Variants in OTOG observed in about 807,000 individuals in gnomAD.
The protein encoded by OTOG is otogelin.
Under a neutral mutation model 313.8 loss-of-function variants are expected in OTOG, and 296 were observed. The ratio of observed to expected loss-of-function variants is 0.94; its 90% CI spans 0.86 to 1.04. OTOG has a LOEUF of 1.04. Among genes scored for constraint, OTOG ranks in the 50% least tolerant of loss-of-function variants. The probability of loss-of-function intolerance (pLI) is 0.00; values close to 1 mark genes in which losing one functional copy is unlikely to be tolerated. For synonymous variants in OTOG, 1,533 were observed against 1,554.9 expected, an observed-to-expected ratio of 0.99 and a Z score of 0.33; for missense variants, 3,948 against 3,840.1, an observed-to-expected ratio of 1.03 and a Z score of -0.74.
intron 15 of OTOG, among the ~76,000 whole-genome samples, chr11:17,563,690 T>A (rs1042564290): frequency 8.6e-5 from 13 of 150,888 alleles, no homozygotes; most frequent in African/African-American, 3.2e-4. Context: ...ATCCCCCCCT[T>A]TTTTTTTGGA....
intron 32 of OTOG, among the ~76,000 whole-genome samples, chr11:17,603,428 T>C (rs113576600): frequency 2.6e-5 from 4 of 152,188 alleles, no homozygotes; most frequent in African/African-American, 9.7e-5. Context: ...GTAGGTAATG[T>C]GTAGTCCAGA....
intron 3 of OTOG, among the ~76,000 whole-genome samples, chr11:17,549,274 C>G (rs933363332): frequency 6.6e-6 from 1 of 152,220 alleles, no homozygotes; most frequent in African/African-American, 2.4e-5. Flanking sequence ...TGCCCCAGCC[C>G]CAGCGGTCAG....
At position 17,570,343 on chromosome 11, in the gene OTOG, C is replaced by T. The variant is rs1039828694; in HGVS notation, c.1908C>T (p.Thr636=). The T allele has an allele frequency of 1.3e-5, 20 of 1,550,494 alleles. No individual in the cohort carries two copies. In the Admixed American group the frequency reaches 1.6e-4, roughly 12 times the overall value. The change falls in exon 17 of 56, where the codon ACC becomes ACT. Residue 636 remains threonine (T), a synonymous_variant. Transcript: ENST00000399397. ...TGGACCAGCGATGGGTGGAGGATAC[C>T]GTGGGCCTCTGCGGCACCTTCAATG... ...LQVDQRWVED[T]VGLCGTFNGN...
chr11:17,586,892 C>A (rs2134050072), intron 24 of OTOG, among the ~76,000 whole-genome samples: 1 of 152,252 alleles, frequency 6.6e-6, no homozygotes. Context: ...ATCCAAAATG[C>A]ACATGTGCAT....
chr11:17,605,770 T>G, intron 32 of OTOG, 87 bp from the exon 33 acceptor site: 21 of 1,406,740 alleles, frequency 1.5e-5, no homozygotes, highest in East Asian at 2.5e-5. Context: ...CCAGAGTCGC[T>G]GAGAGAGCAG....
intron 39 of OTOG, among the ~76,000 whole-genome samples, chr11:17,620,799 C>A (rs1301649965): frequency 6.6e-6 from 1 of 152,148 alleles, no homozygotes; most frequent in Non-Finnish European, 1.5e-5. Context: ...TCATCATTCT[C>A]TTGGGTCTTT....
chr11:17,608,561 T>C, intron 34 of OTOG, 148 bp downstream of exon 34: 1 of 585,278 alleles, frequency 1.7e-6, no homozygotes, highest in Non-Finnish European at 2.9e-6. Flanking sequence ...TATATGCACA[T>C]ATGTCAGCAT....
rs575296345 is a variant in OTOG at position 17,633,874 on chromosome 11, G to A, written c.7267G>A (p.Ala2423Thr). ...ACTCTGCATCCCGGAGGCCAAGTGC[G>A]GTAGGTTCCTCCCCTCCCTGAGTGG... ...SALCIPEAKC[A>T]CTDSMGVPRA... Residue 2423 changes from alanine (A) to threonine (T), a missense_variant and splice_region_variant, in exon 43 of 56, where the codon GCC (alanine) becomes ACC (threonine). Transcript: ENST00000399397. The A allele has an allele frequency of 6.9e-5, 105 of 1,530,622 alleles. No homozygotes were observed. Among genetic ancestry groups the A allele is most frequent in the Non-Finnish European group, 8.2e-5 (93 of 1,137,514 alleles). 94.8% of individuals were successfully genotyped at this position (1,530,622 alleles called of 1,614,324 possible).
chr11:17,585,426 T>C (rs1362827189), intron 23 of OTOG, among the ~76,000 whole-genome samples: 2 of 152,238 alleles, frequency 1.3e-5, no homozygotes, highest in African/African-American at 4.8e-5. Context: ...GACAGGGGTT[T>C]GTCAATTTTA....
chr11:17,555,832 C>T lies in OTOG; in HGVS notation c.594C>T (p.Val198=). The change falls in exon 7 of 56, where the codon GTC becomes GTT. Residue 198 remains valine, a synonymous_variant. Transcript: ENST00000399397. ...CACCCTACACCTGCTCCAGGGCTGT[C>T]AGCCTCTTCTTTGTGGGTGAGCAGG... The part of the protein sequence containing the change: ...GSSPYTCSRA[V]SLFFVGEQEI... 5 of 1,550,892 alleles carry T rather than the reference C, an allele frequency of 3.2e-6. No homozygotes were observed. Among genetic ancestry groups the T allele is most frequent in the South Asian group, 1.2e-5 (1 of 84,060 alleles).
Position 17,547,429 on chromosome 11 carries a change from T to C in OTOG, c.57T>C (p.Gly19=). 1 of 1,401,166 alleles carries C rather than the reference T, an allele frequency of 7.1e-7. No homozygotes were observed. The highest frequency in any genetic ancestry group is 9.2e-7 in the Non-Finnish European group (1 of 1,081,486). 86.8% of individuals were successfully genotyped at this position (1,401,166 alleles called of 1,614,324 possible). A position where few individuals can be genotyped will look rare whatever the true frequency, so the allele number is the denominator to read the frequency against. Residue 19 remains glycine (G), a synonymous_variant, in exon 1 of 56, where the codon GGT becomes GGC. Transcript: ENST00000399397. ...CWLLCVWLPW[G]EQAAESLRVQ... is the part of the protein sequence containing the mutation. The stretch of plus-strand genomic sequence containing the variant: ...TGCTTTGTGTCTGGCTGCCCTGGGG[T>C]GAGCAGGCAGCCGAGTCCCTGCGGG...
intron 11 of OTOG, among the ~76,000 whole-genome samples, 165 bp from the exon 12 acceptor site, chr11:17,559,369 C>T (rs998617409): frequency 8.5e-5 from 13 of 152,184 alleles, no homozygotes; most frequent in African/African-American, 3.1e-4. Context: ...CTTGCAATTC[C>T]TTCTCCTTGT....
Position 17,594,181 on chromosome 11 carries a change from C to T in OTOG, c.3408+15C>T, listed in dbSNP as rs7936484. ...CTGCAGTTGAGGTAAAGCCTCTCTT[C>T]CAGGCTGGCTTATGCCCCTCACTCA... On this transcript the variant is annotated intron_variant, in intron 28 of 55. Transcript: ENST00000399397. The T allele has an allele frequency of 0.16, 246,238 of 1,550,434 alleles. 20,195 individuals are homozygous for T. The highest frequency in any genetic ancestry group is 0.19 in the East Asian group (7,884 of 40,914).
Position 17,558,365 on chromosome 11 carries a change from C to T in OTOG, c.996+50C>T, listed in dbSNP as rs1248270614. 1.9e-6 allele frequency: 3 copies of T among 1,543,260 alleles called. No individual in the cohort carries two copies. In the African/African-American group the frequency reaches 4.1e-5, roughly 21 times the overall value. On this transcript the variant is annotated intron_variant, in intron 9 of 55. Transcript: ENST00000399397. ...CCTACCCTAGAGCCTGACTTGCTATCCAACTCTTCGAAAGCCACTGGCTGT... is the reference window on the plus strand; with the variant it reads ...CCTACCCTAGAGCCTGACTTGCTATTCAACTCTTCGAAAGCCACTGGCTGT...
At chr11:17,621,092 T>C (rs1853854513) in intron 39 of OTOG, among the ~76,000 whole-genome samples, 1 of 152,204 alleles carries the variant, frequency 6.6e-6, no homozygotes, top group East Asian at 1.9e-4. Context: ...TCTGATTGAT[T>C]TTTTCTTTCA....
chr11:17,556,478 C>T (rs1278714396), intron 7 of OTOG, among the ~76,000 whole-genome samples: 1 of 152,150 alleles, frequency 6.6e-6, no homozygotes, highest in South Asian at 2.1e-4. Context: ...GTCATGGGGT[C>T]TTCCTGTAAT....
Position 17,642,196 on chromosome 11 carries a change from G to C in OTOG, c.8365G>C (p.Val2789Leu). 6.5e-7 allele frequency: 1 copy of C among 1,550,322 alleles called. No individual in the cohort carries two copies. Among genetic ancestry groups the C allele is most frequent in the Non-Finnish European group, 8.7e-7 (1 of 1,146,818 alleles). Reference protein sequence around the residue: ...CSSTPLGAVLVRSPISCPPLN... With the variant: ...CSSTPLGAVLLRSPISCPPLN... ...CAGCACGCCCCTGGGTGCCGTGCTG[G>C]TCCGCTCTCCCATAAGCTGCCCACC... The change falls in exon 53 of 56, where the codon GTC becomes CTC. Residue 2789 changes from valine (V) to leucine (L), a missense_variant. Transcript: ENST00000399397.
At chr11:17,642,641 C>T (rs1413091392) in intron 53 of OTOG, among the ~76,000 whole-genome samples, 1 of 152,192 alleles carries the variant, frequency 6.6e-6, no homozygotes, top group African/African-American at 2.4e-5. Flanking sequence ...ACACATGCCA[C>T]GCAGATGCAG....
chr11:17,633,838 C>A lies in OTOG; in HGVS notation c.7231C>A (p.Arg2411Ser). 1 of 1,548,548 alleles carries A rather than the reference C, an allele frequency of 6.5e-7. No homozygotes were observed. The highest frequency in any genetic ancestry group is 8.7e-7 in the Non-Finnish European group (1 of 1,146,350). ...VCSEGTILHR[R>S]HSALCIPEAK... ...CTCCGAGGGCACCATCTTACACCGG[C>A]GCCACTCTGCACTCTGCATCCCGGA... The change falls in exon 43 of 56, where the codon CGC becomes AGC. Residue 2411 changes from arginine to serine, a missense_variant. Coordinates refer to ENST00000399397, the MANE Select transcript of OTOG (RefSeq NM_001292063.2).
Sources: allele counts gnomAD v4.1 joint callset (sites outside exome capture counted in the v4.1 genomes callset), GRCh38; gene constraint gnomAD v4.1.1; transcripts MANE v1.5; gene names NCBI Gene and HGNC (gene_info 2026-07-23, HGNC 2026-07-21).